Variants in DACH2 observed in about 807,000 individuals in gnomAD.
DACH2 encodes dachshund family transcription factor 2.
A neutral mutation model predicts 35.8 loss-of-function variants in DACH2; 17 were observed. The observed-to-expected ratio is 0.48, with a 90% CI of 0.33 to 0.71. The LOEUF (loss-of-function observed/expected upper bound fraction) is 0.71, where lower values mean the gene tolerates loss of function less well. Among genes scored for constraint, DACH2 ranks in the 30% least tolerant of loss-of-function variants. The pLI, the probability that DACH2 is intolerant of heterozygous loss-of-function variation, is 0.02. For synonymous variants in DACH2, 195 were observed against 177.3 expected, an observed-to-expected ratio of 1.10 and a Z score of -0.79; for missense variants, 469 against 472.7, an observed-to-expected ratio of 0.99 and a Z score of 0.07.
intron 1 of DACH2, among the ~76,000 whole-genome samples, chrX:86,254,778 AT>A (rs2033472579): frequency 5.1e-5 from 1 of 19,782 alleles, no homozygotes; most frequent in African/African-American, 1.7e-4. Context: ...ATTCAAATAA[AT>A]AAATATATAT....
intron 1 of DACH2, among the ~76,000 whole-genome samples, chrX:86,342,009 C>T (rs2035421926): frequency 9.0e-6 from 1 of 111,492 alleles, no homozygotes; most frequent in Admixed American, 9.6e-5. Context: ...GTGATCATTG[C>T]CAAAATGACA....
At chrX:86,561,901 TAAAA>T (rs60538249) in intron 3 of DACH2, among the ~76,000 whole-genome samples, 3 of 65,068 alleles carry the variant, frequency 4.6e-5, no homozygotes, top group Admixed American at 1.8e-4. Flanking sequence ...AAAGTAGAAT[TAAAA>T]AAAAAAAAAA....
Position 86,345,226 on chromosome X carries a change from C to A in DACH2, c.489-31598C>A, listed in dbSNP as rs372411160. ...GATATGTCAGCTGTGGTTTCTTTATCCTTATGGACTCAGGAAATGGGAAGT... is the reference window on the plus strand; with the variant it reads ...GATATGTCAGCTGTGGTTTCTTTATACTTATGGACTCAGGAAATGGGAAGT... On this transcript the variant is annotated intron_variant, in intron 1 of 11. Transcript: ENST00000373125. Among the ~76,000 whole-genome samples the A allele has an allele frequency of 3.1e-4, 35 of 111,811 alleles. No homozygotes were observed. The East Asian group carries it at 3.7e-3, about 12-fold the overall frequency.
chrX:86,800,813 G>A (rs13362948), intron 7 of DACH2, among the ~76,000 whole-genome samples: 4,324 of 110,538 alleles, frequency 0.039, 240 homozygotes, highest in African/African-American at 0.14. Context: ...GGGATTACAG[G>A]CACCTGCCAC....
chrX:86,784,280 C>T (rs1396124978), intron 7 of DACH2, among the ~76,000 whole-genome samples: 1 of 100,636 alleles, frequency 9.9e-6, no homozygotes, highest in Non-Finnish European at 2.0e-5. Context: ...GATTAAGAAA[C>T]CAAAAACAAA....
chrX:86,327,801 C>T (rs2035142383), intron 1 of DACH2, among the ~76,000 whole-genome samples: 1 of 111,603 alleles, frequency 9.0e-6, no homozygotes, highest in South Asian at 3.7e-4. Flanking sequence ...AGACACAGCC[C>T]AGTGATCTTC....
chrX:86,606,026 C>G (rs1385152266), intron 3 of DACH2, among the ~76,000 whole-genome samples: 2 of 111,139 alleles, frequency 1.8e-5, no homozygotes, highest in East Asian at 5.7e-4. Flanking sequence ...TTGATTTTGA[C>G]ATTATCTCTG....
At chrX:86,201,353 G>T (rs2032151554) in intron 1 of DACH2, among the ~76,000 whole-genome samples, 1 of 110,145 alleles carries the variant, frequency 9.1e-6, no homozygotes, top group African/African-American at 3.3e-5. Flanking sequence ...ATTAATACCT[G>T]GGTGATTAAA....
intron 3 of DACH2, among the ~76,000 whole-genome samples, chrX:86,603,555 A>C (rs1260578856): frequency 6.3e-5 from 7 of 111,365 alleles, no homozygotes; most frequent in Non-Finnish European, 1.3e-4. Flanking sequence ...GTTGAGGCAA[A>C]ATTCCCATCT....
chrX:86,199,742 G>A (rs890007917), intron 1 of DACH2, among the ~76,000 whole-genome samples: 2 of 110,409 alleles, frequency 1.8e-5, no homozygotes, highest in Non-Finnish European at 3.8e-5. Context: ...TAATCAGAAA[G>A]GTGAAAGATC....
At chrX:86,511,820 T>C (rs1362590497) in intron 2 of DACH2, among the ~76,000 whole-genome samples, 2 of 111,800 alleles carry the variant, frequency 1.8e-5, no homozygotes, top group African/African-American at 3.2e-5. Context: ...ATGGGATCTA[T>C]CCATAGCCTT....
At chrX:86,401,083 C>T (rs904149435) in intron 2 of DACH2, among the ~76,000 whole-genome samples, 19 of 112,034 alleles carry the variant, frequency 1.7e-4, no homozygotes, top group African/African-American at 5.5e-4. Flanking sequence ...CAATGGCAGG[C>T]GCTCCTCCCC....
chrX:86,327,812 G>A (rs897756883), intron 1 of DACH2, among the ~76,000 whole-genome samples: 3 of 111,608 alleles, frequency 2.7e-5, no homozygotes, highest in Non-Finnish European at 3.8e-5. Flanking sequence ...AGTGATCTTC[G>A]TGGCATATCA....
At chrX:86,729,255 C>T (rs773235235) in intron 6 of DACH2, among the ~76,000 whole-genome samples, 6 of 111,895 alleles carry the variant, frequency 5.4e-5, no homozygotes, top group Non-Finnish European at 1.1e-4. Context: ...TAATGACTGC[C>T]CTGCAGGGTT....
At chrX:86,543,560 C>A (rs1301363878) in intron 3 of DACH2, among the ~76,000 whole-genome samples, 3 of 109,950 alleles carry the variant, frequency 2.7e-5, no homozygotes. Flanking sequence ...AATTGAAACC[C>A]AATACAAGGA....
chrX:86,304,511 A>G (rs2034637873), intron 1 of DACH2: 2 of 137,495 alleles, frequency 1.5e-5, no homozygotes, highest in South Asian at 4.0e-4. Flanking sequence ...ATCCTATTTC[A>G]GTATTCCATG....
At chrX:86,610,414 TTTCTTTTCTTTCTTTC>T (rs2039924993) in intron 3 of DACH2, among the ~76,000 whole-genome samples, 1 of 76,862 alleles carries the variant, frequency 1.3e-5, no homozygotes, top group Non-Finnish European at 2.4e-5. Context: ...TCTTTCTTTC[TTTCTTTTCTTTCTTTC>T]TTTCTTTCTT....
chrX:86,359,608 G>T (rs757819540), intron 1 of DACH2, among the ~76,000 whole-genome samples: 12 of 110,886 alleles, frequency 1.1e-4, no homozygotes, highest in Non-Finnish European at 2.1e-4. Context: ...AATTAACTGC[G>T]TACAGTGGTG....
chrX:86,397,613 T>G (rs1309105814), intron 2 of DACH2, among the ~76,000 whole-genome samples: 5 of 111,982 alleles, frequency 4.5e-5, no homozygotes, highest in Non-Finnish European at 9.4e-5. Context: ...GTTGTTGAAT[T>G]TTGTCAAAGG....
Sources: allele counts gnomAD v4.1 joint callset (sites outside exome capture counted in the v4.1 genomes callset), GRCh38; gene constraint gnomAD v4.1.1; transcripts MANE v1.5; gene names NCBI Gene and HGNC (gene_info 2026-07-23, HGNC 2026-07-21).